The following AHCY variants were observed in gnomAD, a reference collection of about 807,000 sequenced individuals.
AHCY encodes the protein adenosylhomocysteinase.
AHCY carries 24 observed loss-of-function variants against 45.4 expected under a neutral mutation model. The ratio of observed to expected loss-of-function variants is 0.53; its 90% CI spans 0.38 to 0.74. The LOEUF (loss-of-function observed/expected upper bound fraction) is 0.74, where lower values mean the gene tolerates loss of function less well. AHCY is among the 30% of genes least tolerant of loss of function. The pLI, the probability that AHCY is intolerant of heterozygous loss-of-function variation, is 0.00. For synonymous variants in AHCY, 245 were observed against 235.1 expected (o/e 1.04, Z -0.39); for missense variants, 449 against 594.1 (o/e 0.76, Z 2.54).
chr20:34,291,603 C>A, intron 4 of AHCY, 72 bp from the exon 5 acceptor site: 1 of 1,349,132 alleles, frequency 7.4e-7, no homozygotes, highest in African/African-American at 1.4e-5. Context: ...CATCTTTACC[C>A]CCTAAAGCCA....
intron 5 of AHCY, 59 bp downstream of exon 5, chr20:34,291,360 G>T: frequency 6.7e-7 from 1 of 1,486,432 alleles, no homozygotes. Flanking sequence ...CTCTTCTTCA[G>T]AGGCCTCGTC....
At chr20:34,303,634 T>TC (rs1333274606), upstream of AHCY, among the ~76,000 whole-genome samples, 2 of 152,216 alleles carry the variant, frequency 1.3e-5, no homozygotes, top group Non-Finnish European at 2.9e-5. Flanking sequence ...CCAGTTCACT[T>TC]CCCTGTGCCT....
chr20:34,306,437 G>A (rs1249493628), upstream of AHCY, among the ~76,000 whole-genome samples: 2 of 149,918 alleles, frequency 1.3e-5, no homozygotes, highest in African/African-American at 2.5e-5. Flanking sequence ...GTGTGATCTC[G>A]GCTCACTGCA....
intron 1 of AHCY, among the ~76,000 whole-genome samples, chr20:34,309,638 G>A (rs1035674564): frequency 6.6e-5 from 10 of 152,020 alleles, no homozygotes; most frequent in Non-Finnish European, 1.2e-4. Flanking sequence ...AAAATTAGCC[G>A]GGCGTGGTGG....
chr20:34,287,109 G>C (rs960400857), intron 8 of AHCY, among the ~76,000 whole-genome samples: 3 of 152,092 alleles, frequency 2.0e-5, no homozygotes, highest in Non-Finnish European at 4.4e-5. Context: ...CAAAAGCCCA[G>C]GTTTCCAAGC....
the AHCY span, among the ~76,000 whole-genome samples, chr20:34,238,623 A>T: frequency 2.0e-5 from 3 of 151,796 alleles, no homozygotes; most frequent in Non-Finnish European, 4.4e-5. Context: ...AATTGTTTTA[A>T]TATATTTGTC....
chr20:34,269,271 G>A, the AHCY span: 6 of 1,342,230 alleles, frequency 4.5e-6, no homozygotes, highest in South Asian at 1.6e-5. Flanking sequence ...GCAGGCGGGC[G>A]GAGGTTCCAG....
At chr20:34,279,374 T>C (rs978467640), downstream of AHCY, among the ~76,000 whole-genome samples, 1 of 149,666 alleles carries the variant, frequency 6.7e-6, no homozygotes, top group African/African-American at 2.5e-5. Context: ...TGAGCTGAGA[T>C]AGCACCACTG....
chr20:34,238,732 G>C, the AHCY span, among the ~76,000 whole-genome samples: 1 of 151,946 alleles, frequency 6.6e-6, no homozygotes, highest in African/African-American at 2.4e-5. Flanking sequence ...TGATTTTTTG[G>C]TTGAAAACTA....
intron 8 of AHCY, among the ~76,000 whole-genome samples, chr20:34,289,036 C>T (rs879783540): frequency 6.6e-6 from 1 of 152,162 alleles, no homozygotes; most frequent in Admixed American, 6.5e-5. Flanking sequence ...TGGAGTCTCG[C>T]TCTGTTGCCC....
the AHCY span, among the ~76,000 whole-genome samples, chr20:34,264,770 AT>A: frequency 8.3e-6 from 1 of 120,754 alleles, no homozygotes; most frequent in Non-Finnish European, 1.8e-5. Context: ...TTAATATTTT[AT>A]TTTCCCTAGT....
At chr20:34,279,660 G>GT (rs2035947546), downstream of AHCY, among the ~76,000 whole-genome samples, 1 of 152,128 alleles carries the variant, frequency 6.6e-6, no homozygotes, top group Admixed American at 6.5e-5. Context: ...AAAAGAAAAG[G>GT]TAAGAATTAA....
At chr20:34,309,097 T>C (rs1477850726) in intron 1 of AHCY, among the ~76,000 whole-genome samples, 4 of 151,200 alleles carry the variant, frequency 2.6e-5, no homozygotes, top group Non-Finnish European at 5.9e-5. Context: ...ATAAGTGGGA[T>C]TACAGGCATG....
At chr20:34,237,088 A>G in the AHCY span, among the ~76,000 whole-genome samples, 1 of 152,028 alleles carries the variant, frequency 6.6e-6, no homozygotes, top group East Asian at 1.9e-4. Context: ...CCATTTTTCT[A>G]CACATTTGTC....
At chr20:34,262,846 T>G in the AHCY span, 1 of 1,613,854 alleles carries the variant, frequency 6.2e-7, no homozygotes, top group South Asian at 1.1e-5. Context: ...GAACAAGAAA[T>G]CCAAACAGAT....
At chr20:34,282,065 A>G (rs1046019213) in intron 9 of AHCY, among the ~76,000 whole-genome samples, 3 of 152,144 alleles carry the variant, frequency 2.0e-5, no homozygotes, top group African/African-American at 4.8e-5. Flanking sequence ...ATTCTTTGAT[A>G]CTCCTTTAAG....
chr20:34,252,476 AAGAGTAAC>A, the AHCY span, among the ~76,000 whole-genome samples: 1 of 152,204 alleles, frequency 6.6e-6, no homozygotes, highest in Non-Finnish European at 1.5e-5. Flanking sequence ...CAGTGTAGCA[AAGAGTAAC>A]AGAGCAGTAT....
At chr20:34,296,579 ACT>A (rs1249676638) in intron 1 of AHCY, among the ~76,000 whole-genome samples, 2 of 152,110 alleles carry the variant, frequency 1.3e-5, no homozygotes, top group South Asian at 4.1e-4. Context: ...TTATGAGCTA[ACT>A]CACTATCTCA....
At chr20:34,266,598 G>A in the AHCY span, among the ~76,000 whole-genome samples, 5 of 151,146 alleles carry the variant, frequency 3.3e-5, no homozygotes, top group African/African-American at 7.3e-5. Context: ...ACTGGAACCC[G>A]GGAGATGAAG....
Sources: allele counts gnomAD v4.1 joint callset (sites outside exome capture counted in the v4.1 genomes callset), GRCh38; gene constraint gnomAD v4.1.1; transcripts MANE v1.5; gene names NCBI Gene and HGNC (gene_info 2026-07-23, HGNC 2026-07-21).